The following GPR107 variants were observed in gnomAD, a reference collection of about 807,000 sequenced individuals.
The protein encoded by GPR107 is protein GPR107.
Under a neutral mutation model 75.5 loss-of-function variants are expected in GPR107, and 31 were observed. The observed-to-expected ratio is 0.41, with a 90% CI of 0.31 to 0.55. The LOEUF is 0.55. Among genes scored for constraint, GPR107 ranks in the 20% least tolerant of loss-of-function variants. The pLI is 0.26. For missense variants in GPR107, 572 were observed against 665.7 expected (o/e 0.86, Z 1.55); for synonymous variants, 267 against 251.3 (o/e 1.06, Z -0.59).
intron 1 of GPR107, among the ~76,000 whole-genome samples, chr9:130,061,774 T>C (rs1351576162): frequency 6.6e-6 from 1 of 151,958 alleles, no homozygotes; most frequent in Non-Finnish European, 1.5e-5. Flanking sequence ...TGAAATACTT[T>C]CTCTGTTAAA....
intron 3 of GPR107, among the ~76,000 whole-genome samples, 178 bp downstream of exon 3, chr9:130,076,640 G>T (rs1352292090): frequency 2.0e-5 from 3 of 152,074 alleles, no homozygotes; most frequent in Non-Finnish European, 1.5e-5. Flanking sequence ...TCAGTCCCCT[G>T]AGTAGCTGGG....
intron 14 of GPR107, among the ~76,000 whole-genome samples, chr9:130,123,376 G>A (rs367808426): frequency 2.6e-5 from 4 of 151,942 alleles, no homozygotes; most frequent in African/African-American, 9.7e-5. Flanking sequence ...GGTAAGTTTT[G>A]TATTTTTAGT....
intron 7 of GPR107, 76 bp from the exon 8 acceptor site, chr9:130,090,800 A>G (rs1830712136): frequency 3.4e-6 from 2 of 591,920 alleles, no homozygotes. Context: ...ACAATACTTT[A>G]AAAGAAAAAA....
chr9:130,061,127 CTT>C (rs1354676282), intron 1 of GPR107, among the ~76,000 whole-genome samples: 2 of 152,176 alleles, frequency 1.3e-5, no homozygotes, highest in East Asian at 1.9e-4. Flanking sequence ...CTTCAGGTGT[CTT>C]TTATATACCG....
intron 1 of GPR107, among the ~76,000 whole-genome samples, chr9:130,056,074 G>C (rs1467205818): frequency 6.6e-6 from 1 of 151,856 alleles, no homozygotes; most frequent in Non-Finnish European, 1.5e-5. Flanking sequence ...TCACAGGGGT[G>C]GGGGTGGGGC....
intron 14 of GPR107, among the ~76,000 whole-genome samples, chr9:130,115,177 G>A (rs1054433917): frequency 1.3e-5 from 2 of 152,272 alleles, no homozygotes; most frequent in Middle Eastern, 6.8e-3. Context: ...TCTAGTGAGA[G>A]ATATAGACTT....
At chr9:130,096,615 C>A (rs1424123003) in intron 9 of GPR107, among the ~76,000 whole-genome samples, 4 of 151,886 alleles carry the variant, frequency 2.6e-5, no homozygotes, top group Non-Finnish European at 4.4e-5. Flanking sequence ...CTACAGGCGC[C>A]TGCCACCATG....
At chr9:130,107,939 A>G (rs1452781495) in intron 14 of GPR107, among the ~76,000 whole-genome samples, 1 of 152,258 alleles carries the variant, frequency 6.6e-6, no homozygotes, top group Non-Finnish European at 1.5e-5. Flanking sequence ...GATTTAACAC[A>G]CTTTCAAAAT....
chr9:130,096,578 G>A (rs545176543), intron 9 of GPR107, among the ~76,000 whole-genome samples: 23 of 146,394 alleles, frequency 1.6e-4, no homozygotes, highest in Admixed American at 7.2e-4. Flanking sequence ...AGCAATTCTC[G>A]TGCTTCAGCC....
intron 5 of GPR107, among the ~76,000 whole-genome samples, chr9:130,081,395 C>T (rs1054086259): frequency 9.2e-5 from 14 of 151,746 alleles, no homozygotes; most frequent in Non-Finnish European, 1.6e-4. Flanking sequence ...AAAATTAGGC[C>T]GGGTGTGGTG....
intron 7 of GPR107, 90 bp from the exon 8 acceptor site, chr9:130,090,786 G>T: frequency 3.7e-6 from 2 of 541,016 alleles, no homozygotes; most frequent in East Asian, 3.2e-5. Context: ...GAACAAAAAA[G>T]TAAACAATAC....
Position 130,137,064 on chromosome 9 carries a change from C to T in GPR107, c.*1943C>T, listed in dbSNP as rs887261554. The stretch of plus-strand genomic sequence containing the variant: ...AGAAATGTGTCTCAATCTGTGACTA[C>T]CAAAGCCCTCCTCAGTCCTTCCCTC... On this transcript the variant is annotated 3_prime_UTR_variant, in exon 18 of 18. Transcript: ENST00000347136. The T allele has an allele frequency of 6.6e-5, 10 of 152,196 alleles. No homozygotes were observed. Among genetic ancestry groups the T allele is most frequent in the Non-Finnish European group, 1.5e-4 (10 of 68,040 alleles). 9.4% of individuals were successfully genotyped at this position (152,196 alleles called of 1,614,324 possible).
chr9:130,126,056 CA>C (rs569390895), intron 15 of GPR107, among the ~76,000 whole-genome samples: 170 of 113,410 alleles, frequency 1.5e-3, no homozygotes, highest in Middle Eastern at 5.1e-3. Flanking sequence ...GACTCTGTCT[CA>C]AAAAAAAAAA....
rs756958178 is a variant in GPR107 at position 130,100,744 on chromosome 9, T to TG, written c.1013+42_1013+43insG. ...ATGTGAAATACACCATGAAATGACA[T>TG]ACAAGACAAGGGGGGTGGGCAACAA... On this transcript the variant is annotated intron_variant, in intron 11 of 17. Transcript: ENST00000347136. 1.0e-5 allele frequency: 15 copies of TG among 1,447,168 alleles called. No individual in the cohort carries two copies. In the South Asian group the frequency reaches 1.7e-4, roughly 16 times the overall value. 89.6% of individuals were successfully genotyped at this position (1,447,168 alleles called of 1,614,324 possible).
At chr9:130,063,272 G>A (rs889633665) in intron 1 of GPR107, among the ~76,000 whole-genome samples, 3 of 151,722 alleles carry the variant, frequency 2.0e-5, no homozygotes, top group African/African-American at 2.4e-5. Context: ...CTCACTGCAA[G>A]CTCCACTTCC....
At chr9:130,074,298 A>G (rs1474376368) in intron 1 of GPR107, among the ~76,000 whole-genome samples, 2 of 152,190 alleles carry the variant, frequency 1.3e-5, no homozygotes, top group African/African-American at 2.4e-5. Flanking sequence ...GATCTGCTCC[A>G]CAGCCTGTCC....
intron 1 of GPR107, among the ~76,000 whole-genome samples, chr9:130,054,686 G>T (rs1401640897): frequency 1.3e-5 from 2 of 152,172 alleles, no homozygotes; most frequent in African/African-American, 4.8e-5. Context: ...AGAGATTTTT[G>T]ATAAACCTAG....
intron 16 of GPR107, among the ~76,000 whole-genome samples, chr9:130,128,146 A>G (rs1831728875): frequency 6.6e-6 from 1 of 152,234 alleles, no homozygotes; most frequent in African/African-American, 2.4e-5. Context: ...AGGTAGAGAA[A>G]GATTTGCCCT....
At chr9:130,089,257 T>G (rs920100027) in intron 7 of GPR107, among the ~76,000 whole-genome samples, 2 of 152,202 alleles carry the variant, frequency 1.3e-5, no homozygotes, top group Non-Finnish European at 2.9e-5. Context: ...GCACCAGTAC[T>G]TTGTGTCAGG....
Sources: gnomAD v4.1 joint callset for allele counts (sites outside exome capture counted in the v4.1 genomes callset) on GRCh38, gnomAD v4.1.1 for gene constraint, MANE v1.5 for transcripts, NCBI Gene and HGNC (gene_info 2026-07-23, HGNC 2026-07-21) for gene names.